LIMK2: variants seen among roughly 807,000 people sequenced by gnomAD.
The protein encoded by LIMK2 is LIM domain kinase 2.
In LIMK2, 35 loss-of-function variants were observed where a neutral mutation model predicts 75.7. The ratio of observed to expected loss-of-function variants is 0.46; its 90% confidence interval spans 0.35 to 0.61. The LOEUF is 0.61. Among genes scored for constraint, LIMK2 ranks in the 20% least tolerant of loss-of-function variants. The probability of loss-of-function intolerance (pLI) is 0.00; values close to 1 mark genes in which losing one functional copy is unlikely to be tolerated. For missense variants in LIMK2, 623 were observed against 831.0 expected, an observed-to-expected ratio of 0.75 and a Z score of 3.08; for synonymous variants, 301 against 319.2, an observed-to-expected ratio of 0.94 and a Z score of 0.61.
chr22:31,228,067 A>G (rs924393024), intron 2 of LIMK2, among the ~76,000 whole-genome samples: 3 of 152,044 alleles, frequency 2.0e-5, no homozygotes, highest in Non-Finnish European at 2.9e-5. Flanking sequence ...AGACAGAAAG[A>G]TAACATATGT....
chr22:31,233,096 C>T (rs1266808985), intron 2 of LIMK2, among the ~76,000 whole-genome samples: 1 of 152,176 alleles, frequency 6.6e-6, no homozygotes, highest in Admixed American at 6.5e-5. Context: ...CCAAACTGCA[C>T]TAAGGGTTGT....
chr22:31,221,527 C>G (rs745805118), intron 1 of LIMK2, among the ~76,000 whole-genome samples: 37 of 152,190 alleles, frequency 2.4e-4, no homozygotes, highest in Non-Finnish European at 5.0e-4. Flanking sequence ...CTCTGTCGCC[C>G]AAGCTGGAAT....
intron 9 of LIMK2, 38 bp downstream of exon 9, chr22:31,267,108 C>A: frequency 1.7e-6 from 2 of 1,206,396 alleles, no homozygotes; most frequent in Non-Finnish European, 2.4e-6. Flanking sequence ...TTGGTGTCAC[C>A]ATTGGAAGAG....
At chr22:31,219,975 A>G (rs13056485) in intron 1 of LIMK2, among the ~76,000 whole-genome samples, 6,339 of 152,286 alleles carry the variant, frequency 0.042, 212 homozygotes, top group East Asian at 0.1. Flanking sequence ...ACAATGAGAT[A>G]TTTTCTTAAG....
intron 1 of LIMK2, among the ~76,000 whole-genome samples, chr22:31,223,866 G>T (rs2048456998): frequency 6.6e-6 from 1 of 152,228 alleles, no homozygotes; most frequent in South Asian, 2.1e-4. Context: ...GGTGGGTTGA[G>T]GTGGTGTTTT....
At chr22:31,245,302 AT>A (rs541831912) in intron 2 of LIMK2, among the ~76,000 whole-genome samples, 4 of 149,800 alleles carry the variant, frequency 2.7e-5, no homozygotes, top group African/African-American at 9.8e-5. Flanking sequence ...TGATTGATTG[AT>A]TTTTTTTTTC....
intron 2 of LIMK2, among the ~76,000 whole-genome samples, chr22:31,237,036 C>T (rs28813120): frequency 0.4 from 60,117 of 149,614 alleles, 12,998 homozygotes; most frequent in Middle Eastern, 0.55. Flanking sequence ...CCGAGGGGGG[C>T]GGATCACAAG....
At chr22:31,234,977 C>T (rs920241297) in intron 2 of LIMK2, among the ~76,000 whole-genome samples, 1 of 152,094 alleles carries the variant, frequency 6.6e-6, no homozygotes, top group African/African-American at 2.4e-5. Flanking sequence ...AGAAGTAATT[C>T]CTCACCCTGA....
chr22:31,248,556 G>GCTCC (rs1325207124), intron 2 of LIMK2: 1 of 1,598,850 alleles, frequency 6.3e-7, no homozygotes, highest in Non-Finnish European at 8.5e-7. Flanking sequence ...GAGTCCTCAG[G>GCTCC]CTCCCGCAGC....
intron 15 of LIMK2, chr22:31,277,063 C>T (rs780120930): frequency 1.7e-5 from 27 of 1,613,840 alleles, no homozygotes; most frequent in African/African-American, 2.7e-5. Context: ...CTGTTACAAA[C>T]CCACAGAGGC....
At chr22:31,254,959 CAAAAAAA>C (rs199942897) in intron 2 of LIMK2, among the ~76,000 whole-genome samples, 20 of 140,652 alleles carry the variant, frequency 1.4e-4, no homozygotes, top group Non-Finnish European at 2.4e-4. Context: ...AATTCCATCT[CAAAAAAA>C]AAAAGAAAAA....
chr22:31,260,223 G>A (rs772984417), intron 5 of LIMK2, 146 bp downstream of exon 5: 23 of 643,214 alleles, frequency 3.6e-5, no homozygotes, highest in African/African-American at 5.7e-5. Context: ...TGCTGTAACC[G>A]TACCTGGGCC....
Position 31,278,518 on chromosome 22 carries a change from G to A in LIMK2, c.*77G>A. 7.0e-7 allele frequency: 1 copy of A among 1,438,530 alleles called. No homozygotes were observed. The highest frequency in any genetic ancestry group is 9.2e-7 in the Non-Finnish European group (1 of 1,082,222). 89.1% of individuals were successfully genotyped at this position (1,438,530 alleles called of 1,614,324 possible). ...TGTGCCCCATTCCTGCTGTGAGCAGGGCCGTCCGGGCTTCCTGTGGATTGG... is the reference window on the plus strand; with the variant it reads ...TGTGCCCCATTCCTGCTGTGAGCAGAGCCGTCCGGGCTTCCTGTGGATTGG... On this transcript the variant is annotated 3_prime_UTR_variant, in exon 16 of 16. Coordinates refer to ENST00000331728, the MANE Select transcript of LIMK2 (RefSeq NM_005569.4).
intron 2 of LIMK2, among the ~76,000 whole-genome samples, chr22:31,250,902 C>A (rs1312287978): frequency 6.6e-6 from 1 of 152,140 alleles, no homozygotes; most frequent in Admixed American, 6.6e-5. Flanking sequence ...TGGGGGAGTA[C>A]AAAGTCTATG....
chr22:31,241,510 CT>C (rs1006761080), intron 2 of LIMK2, among the ~76,000 whole-genome samples: 2 of 152,152 alleles, frequency 1.3e-5, no homozygotes, highest in African/African-American at 4.8e-5. Flanking sequence ...CAGGTGCTGT[CT>C]TCTCCTCCTT....
In LIMK2 at chr22:31,212,598, A is replaced by G. The variant is rs558006549; in HGVS notation, c.16+174A>G. Among the ~76,000 whole-genome samples the G allele has an allele frequency of 2.0e-5, 3 of 151,156 alleles. No homozygotes were observed. The South Asian group carries it at 6.3e-4, about 32-fold the overall frequency. ...GGCACAGCGCTCCCCAGGCATTTGGAGGGTGGGACTCCGGGAATGGGGAGG... is the reference window on the plus strand; with the variant it reads ...GGCACAGCGCTCCCCAGGCATTTGGGGGGTGGGACTCCGGGAATGGGGAGG... On this transcript the variant is annotated intron_variant, in intron 1 of 15. Transcript: ENST00000331728.
At chr22:31,254,446 T>C (rs1025556523) in intron 2 of LIMK2, among the ~76,000 whole-genome samples, 1 of 152,218 alleles carries the variant, frequency 6.6e-6, no homozygotes, top group African/African-American at 2.4e-5. Context: ...TTTGGAAATA[T>C]TTGTTAAGGC....
intron 15 of LIMK2, chr22:31,277,183 G>T (rs1014388863): frequency 1.2e-6 from 2 of 1,611,834 alleles, no homozygotes; most frequent in African/African-American, 2.7e-5. Context: ...TAGGACAATC[G>T]CTACCCCCCG....
intron 13 of LIMK2, 94 bp from the exon 14 acceptor site, chr22:31,273,358 C>G: frequency 8.8e-7 from 1 of 1,141,856 alleles, no homozygotes; most frequent in Non-Finnish European, 1.3e-6. Context: ...TGTTCTAGCC[C>G]TAGTTCTTAG....
Sources: gnomAD v4.1 joint callset for allele counts (sites outside exome capture counted in the v4.1 genomes callset) on GRCh38, gnomAD v4.1.1 for gene constraint, MANE v1.5 for transcripts, NCBI Gene and HGNC (gene_info 2026-07-23, HGNC 2026-07-21) for gene names.